Variants in FSIP2 observed in about 807,000 individuals in gnomAD.
The protein encoded by FSIP2 is fibrous sheath-interacting protein 2.
Under a neutral mutation model 510.5 loss-of-function variants are expected in FSIP2, and 367 were observed. That is an observed-to-expected ratio of 0.72 (90% CI 0.66 to 0.78). The LOEUF (loss-of-function observed/expected upper bound fraction) is 0.78, where lower values mean the gene tolerates loss of function less well. Among genes scored for constraint, FSIP2 ranks in the 30% least tolerant of loss-of-function variants. The pLI is 0.00. For synonymous variants in FSIP2, 2,601 were observed against 2,732.2 expected (o/e 0.95, Z 1.50); for missense variants, 7,594 against 7,901.7 (o/e 0.96, Z 1.48).
chr2:185,738,589 T>C, upstream of FSIP2: 1 of 1,535,014 alleles, frequency 6.5e-7, no homozygotes, highest in Non-Finnish European at 8.7e-7. Context: ...TTATACGTTT[T>C]CGTTAGGATT....
rs908649635 is a variant in FSIP2 at position 185,795,507 on chromosome 2, G to A, written c.8371G>A (p.Ala2791Thr). The stretch of plus-strand genomic sequence containing the variant: ...ATATGTTACCAATAACTGCAATTTG[G>A]CTTACCCGATGAAATCCTCACATCT... ...ELYVTNNCNL[A>T]YPMKSSHLRL... Residue 2791 changes from alanine to threonine, a missense_variant, in exon 16 of 23, where the codon GCT becomes ACT. Transcript: ENST00000424728. 11 of 1,534,580 alleles carry A rather than the reference G, an allele frequency of 7.2e-6. No homozygotes were observed. The highest frequency in any genetic ancestry group is 9.6e-6 in the Non-Finnish European group (11 of 1,146,016).
At chr2:185,778,146 T>TA (rs1165850834) in intron 13 of FSIP2, among the ~76,000 whole-genome samples, 2 of 152,008 alleles carry the variant, frequency 1.3e-5, no homozygotes, top group South Asian at 4.1e-4. Context: ...TATATCCTAT[T>TA]TATTTAGATG....
At chr2:185,820,098 A>G (rs180749299) in intron 19 of FSIP2, among the ~76,000 whole-genome samples, 20 of 152,078 alleles carry the variant, frequency 1.3e-4, no homozygotes, top group Non-Finnish European at 1.5e-4. Flanking sequence ...CTCATCTTCA[A>G]TTGTTCTTCC....
At position 185,789,126 on chromosome 2, in the gene FSIP2, A is replaced by G; in HGVS notation, c.1990A>G (p.Thr664Ala). ...ETGTKKSKDA[T>A]TETDSLGSSL... ...AGGCACAAAAAAATCTAAGGATGCT[A>G]CCACTGAAACAGATAGCTTAGGGAG... Residue 664 changes from threonine (T) to alanine (A), a missense_variant, in exon 16 of 23, where the codon ACC (threonine) becomes GCC (alanine). By Grantham distance (58) the Thr-to-Ala change is moderately conservative. Transcript: ENST00000424728. 1.3e-6 allele frequency: 2 copies of G among 1,535,204 alleles called. No homozygotes were observed. The highest frequency in any genetic ancestry group is 1.7e-6 in the Non-Finnish European group (2 of 1,146,070).
rs1273318628 is a variant in FSIP2 at position 185,794,523 on chromosome 2, A to G, written c.7387A>G (p.Ile2463Val). ...GATATTGGAAAACAAAAGGCAGATA[A>G]TTGTTTTGGAAGAAATATTTATGAG... ...QMILENKRQI[I>V]VLEEIFMRNG... The change falls in exon 16 of 23, where the codon ATT becomes GTT. Residue 2463 changes from isoleucine (I) to valine (V), a missense_variant. Coordinates refer to ENST00000424728, the MANE Select transcript of FSIP2 (RefSeq NM_173651.4). 6.5e-7 allele frequency: 1 copy of G among 1,528,994 alleles called. No homozygotes were observed. Among genetic ancestry groups the G allele is most frequent in the South Asian group, 1.2e-5 (1 of 82,336 alleles). The allele number at this position is 1,528,994 out of a possible 1,614,324, so 94.7% of individuals were successfully genotyped here. A position where few individuals can be genotyped will look rare whatever the true frequency, so the allele number is the denominator to read the frequency against.
At position 185,792,044 on chromosome 2, in the gene FSIP2, GT is replaced by G. The variant is rs776208529; in HGVS notation, c.4909del (p.Ser1637LeufsTer15). On this transcript the variant is annotated frameshift_variant, in exon 16 of 23. Transcript: ENST00000424728. LOFTEE classifies it high-confidence loss of function. ...GAGACACACATGAAGCATCATTTCT[GT>G]CTGCTTTATATATGCATGCAAAGAA... ...SRDTHEASFL[S>X]ALYMHAKKVS... 2 of 1,533,902 alleles carry G rather than the reference GT, an allele frequency of 1.3e-6. No individual in the cohort carries two copies. The highest frequency in any genetic ancestry group is 2.4e-5 in the South Asian group (2 of 84,012).
intron 13 of FSIP2, among the ~76,000 whole-genome samples, chr2:185,780,979 T>TATA (rs1692836590): frequency 6.6e-6 from 1 of 151,882 alleles, no homozygotes; most frequent in Non-Finnish European, 1.5e-5. Context: ...ATTCTTAGCA[T>TATA]ATAATTTTAT....
chr2:185,826,175 G>C (rs529346239), intron 20 of FSIP2, among the ~76,000 whole-genome samples: 9 of 151,826 alleles, frequency 5.9e-5, no homozygotes, highest in Admixed American at 5.3e-4. Context: ...CACAATGATG[G>C]AATCACTTAA....
intron 19 of FSIP2, among the ~76,000 whole-genome samples, chr2:185,819,912 C>T (rs748559377): frequency 2.6e-5 from 4 of 151,724 alleles, no homozygotes; most frequent in Non-Finnish European, 4.4e-5. Flanking sequence ...CTGCATGCAC[C>T]AAACATCAGA....
intron 9 of FSIP2, among the ~76,000 whole-genome samples, chr2:185,760,765 G>A (rs1692333829): frequency 6.6e-6 from 1 of 150,386 alleles, no homozygotes; most frequent in African/African-American, 2.4e-5. Flanking sequence ...AGTGTTGTTG[G>A]AGTATGAGAA....
In FSIP2 at chr2:185,789,642, T is replaced by A; in HGVS notation, c.2506T>A (p.Ser836Thr). ...AILEKLMTLV[S>T]FKQNEFLHLK... ...TTTAGAAAAGCTAATGACTCTTGTTTCTTTTAAGCAAAATGAATTTCTTCA... is the reference window on the plus strand; with the variant it reads ...TTTAGAAAAGCTAATGACTCTTGTTACTTTTAAGCAAAATGAATTTCTTCA... Residue 836 changes from serine to threonine, a missense_variant, in exon 16 of 23, where the codon TCT (serine) becomes ACT (threonine). Ser to Thr is a moderately conservative substitution (Grantham distance 58, BLOSUM62 1). Coordinates refer to ENST00000424728, the MANE Select transcript of FSIP2 (RefSeq NM_173651.4). The A allele has an allele frequency of 2.0e-6, 3 of 1,534,290 alleles. No individual in the cohort carries two copies. The highest frequency in any genetic ancestry group is 1.7e-6 in the Non-Finnish European group (2 of 1,145,738).
intron 13 of FSIP2, among the ~76,000 whole-genome samples, chr2:185,768,501 C>T (rs1438010142): frequency 2.0e-5 from 3 of 152,084 alleles, no homozygotes; most frequent in African/African-American, 4.8e-5. Context: ...TTCCCAACAA[C>T]ATTTATTGAA....
At chr2:185,775,537 A>G (rs1692698940) in intron 13 of FSIP2, among the ~76,000 whole-genome samples, 1 of 151,594 alleles carries the variant, frequency 6.6e-6, no homozygotes. Context: ...TTGCCTGTTC[A>G]CTCTGATGGT....
intron 8 of FSIP2, among the ~76,000 whole-genome samples, chr2:185,755,368 A>T (rs766473373): frequency 1.3e-5 from 2 of 151,666 alleles, no homozygotes; most frequent in Non-Finnish European, 3.0e-5. Context: ...TCAGATATGA[A>T]ATCACTTCAG....
chr2:185,747,168 C>T (rs994756387), intron 6 of FSIP2, 145 bp from the exon 7 acceptor site: 13 of 558,694 alleles, frequency 2.3e-5, no homozygotes, highest in Non-Finnish European at 3.5e-5. Context: ...AAAGTATATT[C>T]TAAACCGAAC....
At chr2:185,798,698 A>C (rs1693356106) in intron 16 of FSIP2, among the ~76,000 whole-genome samples, 1 of 151,836 alleles carries the variant, frequency 6.6e-6, no homozygotes, top group Non-Finnish European at 1.5e-5. Context: ...ACAAACTCTT[A>C]AATAGACTTA....
intron 16 of FSIP2, 139 bp from the exon 17 acceptor site, chr2:185,799,558 A>G: frequency 2.3e-6 from 1 of 427,888 alleles, no homozygotes; most frequent in Non-Finnish European, 3.9e-6. Context: ...AGGAAAATCT[A>G]ATTTCTTTTT....
At chr2:185,781,452 G>C (rs138943190) in intron 13 of FSIP2, among the ~76,000 whole-genome samples, 153 of 152,266 alleles carry the variant, frequency 1.0e-3, no homozygotes, top group African/African-American at 3.4e-3. Context: ...GGTTTATTGT[G>C]ATATGAACCC....
At chr2:185,782,294 TTCAGGTA>T (rs147646483) in intron 13 of FSIP2, among the ~76,000 whole-genome samples, 77,695 of 151,302 alleles carry the variant, frequency 0.51, 20,241 homozygotes, top group South Asian at 0.64. Context: ...AGGGTATTTA[TTCAGGTA>T]CGTATCAAGG....
Sources: gnomAD v4.1 joint callset for allele counts (sites outside exome capture counted in the v4.1 genomes callset) on GRCh38, gnomAD v4.1.1 for gene constraint, MANE v1.5 for transcripts, NCBI Gene and HGNC (gene_info 2026-07-23, HGNC 2026-07-21) for gene names.